CCDC57: variants seen among roughly 807,000 people sequenced by gnomAD.
CCDC57 encodes coiled-coil domain-containing protein 57.
In CCDC57, 118 loss-of-function variants were observed where a neutral mutation model predicts 118.9. The ratio of observed to expected loss-of-function variants is 0.99; its 90% CI spans 0.86 to 1.16. CCDC57 has a LOEUF of 1.16. CCDC57 is among the 50% of genes most tolerant of loss of function. CCDC57 has a pLI of 0.00. For missense variants in CCDC57, 1,300 were observed against 1,320.7 expected (o/e 0.98, Z 0.24); for synonymous variants, 527 against 532.9 (o/e 0.99, Z 0.15).
intron 19 of CCDC57, among the ~76,000 whole-genome samples, chr17:82,115,952 C>G (rs1005248619): frequency 2.0e-5 from 3 of 151,180 alleles, no homozygotes; most frequent in Non-Finnish European, 3.0e-5. Flanking sequence ...TGCCTGCAAC[C>G]GTGCCAGGCT....
Position 82,188,273 on chromosome 17 carries a change from C to T in CCDC57, c.998G>A (p.Arg333Lys), listed in dbSNP as rs745479617. ...GGTGTCAGCCTGTCTCCACTCTGCC[C>T]TGCGGAGCTGCGCCTCGAGGGTCTC... Residue 333 changes from arginine (R) to lysine (K), a missense_variant, in exon 8 of 20, where the codon AGG becomes AAG. Physicochemically the swap from Arg to Lys is conservative, Grantham distance 26. Transcript: ENST00000665763. The T allele has an allele frequency of 3.2e-6, 5 of 1,575,714 alleles. No homozygotes were observed. The highest frequency in any genetic ancestry group is 1.2e-5 in the South Asian group (1 of 86,218).
At chr17:82,197,919 T>A (rs1427834000) in intron 4 of CCDC57, among the ~76,000 whole-genome samples, 1 of 150,068 alleles carries the variant, frequency 6.7e-6, no homozygotes, top group Non-Finnish European at 1.5e-5. Context: ...CCTTTGCCCC[T>A]GGGCTGAATT....
intron 2 of CCDC57, 90 bp from the exon 2 acceptor site, chr17:82,202,042 T>C (rs1280433419): frequency 3.9e-5 from 51 of 1,314,860 alleles, no homozygotes; most frequent in Non-Finnish European, 5.0e-5. Flanking sequence ...CTATCAACAG[T>C]TACCACGGCC....
At chr17:82,114,546 G>A (rs898902934) in intron 19 of CCDC57, among the ~76,000 whole-genome samples, 2 of 152,228 alleles carry the variant, frequency 1.3e-5, no homozygotes, top group African/African-American at 2.4e-5. Context: ...GGGAGGGAGT[G>A]TGTCCTCGGC....
intron 9 of CCDC57, among the ~76,000 whole-genome samples, chr17:82,179,507 T>C (rs1054281891): frequency 1.3e-5 from 2 of 151,880 alleles, no homozygotes; most frequent in African/African-American, 2.4e-5. Context: ...AACGCGGTTA[T>C]GCACAAAGGA....
chr17:82,183,940 TAGA>T lies in CCDC57; in HGVS notation c.1053-11_1053-9del. 6.2e-7 allele frequency: 1 copy of T among 1,610,338 alleles called. No homozygotes were observed. Among genetic ancestry groups the T allele is most frequent in the Non-Finnish European group, 8.5e-7 (1 of 1,177,750 alleles). On this transcript the variant is annotated splice_polypyrimidine_tract_variant and intron_variant, in intron 8 of 19. Transcript: ENST00000665763. Reference sequence around the variant, plus strand: ...GATGCATCTTCACGAAGTCTAAACATAGAAGGGAAACTATGTAGATGTGGTTCT... The same window carrying T: ...GATGCATCTTCACGAAGTCTAAACATAGGGAAACTATGTAGATGTGGTTCT...
chr17:82,155,245 G>A (rs2042540566), intron 15 of CCDC57: 1 of 152,222 alleles, frequency 6.6e-6, no homozygotes, highest in Non-Finnish European at 1.5e-5. Context: ...CGTCTGATGG[G>A]AATCCCTCTG....
intron 16 of CCDC57, among the ~76,000 whole-genome samples, chr17:82,142,114 T>A (rs992810856): frequency 3.9e-5 from 6 of 152,208 alleles, no homozygotes; most frequent in African/African-American, 1.4e-4. Context: ...ATGAACAGAA[T>A]ACAATCCTAA....
chr17:82,184,388 A>T (rs1568403194), intron 8 of CCDC57, among the ~76,000 whole-genome samples: 1 of 152,178 alleles, frequency 6.6e-6, no homozygotes, highest in African/African-American at 2.4e-5. Context: ...GCACATTTTC[A>T]AGTTGCATGG....
exon 8 of CCDC57, chr17:82,188,358 C>T (rs370632377): frequency 1.9e-6 from 3 of 1,610,980 alleles, no homozygotes; most frequent in Non-Finnish European, 2.5e-6. Flanking sequence ...TCCACGTGGG[C>T]TCCCTTCACC....
intron 3 of CCDC57, among the ~76,000 whole-genome samples, chr17:82,199,017 G>GAA (rs35023228): frequency 3.5e-5 from 5 of 144,768 alleles, no homozygotes; most frequent in African/African-American, 1.3e-4. Flanking sequence ...AAAGAAAAAG[G>GAA]AAAAAAAAGA....
At chr17:82,170,504 T>TA (rs2044549142) in intron 13 of CCDC57, among the ~76,000 whole-genome samples, 1 of 79,634 alleles carries the variant, frequency 1.3e-5, no homozygotes, top group Non-Finnish European at 2.3e-5. Context: ...CAAGACTCTG[T>TA]CCCAAAAAAA....
rs554795779 is a variant in CCDC57 at position 82,140,803 on chromosome 17, G to A, written c.2456-6609C>T. Among the ~76,000 whole-genome samples the A allele has an allele frequency of 5.9e-5, 9 of 152,172 alleles. No homozygotes were observed. In the South Asian group the frequency reaches 1.5e-3, roughly 25 times the overall value. ...CCCTCCAAGGAGAACCCGGCACAGC[G>A]CCTGGCTTGTAGGATGGCAGGTGCA... On this transcript the variant is annotated intron_variant, in intron 16 of 19. Coordinates refer to ENST00000665763, the Ensembl canonical transcript of CCDC57.
intron 8 of CCDC57, among the ~76,000 whole-genome samples, chr17:82,187,494 T>C (rs1321251207): frequency 8.9e-6 from 1 of 111,780 alleles, no homozygotes; most frequent in Non-Finnish European, 1.8e-5. Flanking sequence ...GTCGCATCCA[T>C]AGAATCAGCA....
chr17:82,146,303 T>C (rs2073475996), intron 16 of CCDC57, among the ~76,000 whole-genome samples: 1 of 152,186 alleles, frequency 6.6e-6, no homozygotes, highest in African/African-American at 2.4e-5. Context: ...TAAGTGATCT[T>C]AGGAAAAAAA....
intron 1 of CCDC57, among the ~76,000 whole-genome samples, chr17:82,208,566 A>G (rs1416494559): frequency 1.3e-5 from 2 of 151,898 alleles, no homozygotes; most frequent in African/African-American, 4.8e-5. Context: ...AATACCCTTA[A>G]CTTATAAGAC....
At chr17:82,194,406 G>T (rs188937603) in intron 5 of CCDC57, among the ~76,000 whole-genome samples, 21 of 152,088 alleles carry the variant, frequency 1.4e-4, no homozygotes, top group African/African-American at 5.1e-4. Flanking sequence ...CCCCTCCTGG[G>T]TTCAAGCAAT....
intron 16 of CCDC57, among the ~76,000 whole-genome samples, chr17:82,150,745 T>A (rs1473696267): frequency 2.8e-5 from 2 of 70,192 alleles, no homozygotes; most frequent in African/African-American, 5.9e-5. Flanking sequence ...ACCCAGAACC[T>A]GACCCGCACC....
intron 9 of CCDC57, among the ~76,000 whole-genome samples, chr17:82,180,661 G>C (rs1056312057): frequency 3.3e-5 from 5 of 152,094 alleles, no homozygotes; most frequent in Non-Finnish European, 5.9e-5. Context: ...ATTTTTAGTA[G>C]AGACGGGGTT....
Sources: gnomAD v4.1 joint callset for allele counts (sites outside exome capture counted in the v4.1 genomes callset) on GRCh38, gnomAD v4.1.1 for gene constraint, MANE v1.5 for transcripts, NCBI Gene and HGNC (gene_info 2026-07-23, HGNC 2026-07-21) for gene names.